GLDC: variants seen among roughly 807,000 people sequenced by gnomAD.
GLDC encodes the protein glycine decarboxylase.
GLDC carries 104 observed loss-of-function variants against 121.3 expected under a neutral mutation model. The ratio of observed to expected loss-of-function variants is 0.86; its 90% CI spans 0.73 to 1.01. The LOEUF is 1.01. Ranked by LOEUF, GLDC falls within the 50% of genes least tolerant of loss-of-function variation. The pLI, the probability that GLDC is intolerant of heterozygous loss-of-function variation, is 0.00. For missense variants in GLDC, 1,429 were observed against 1,306.6 expected (o/e 1.09, Z -1.44); for synonymous variants, 546 against 480.6 (o/e 1.14, Z -1.78).
chr9:6,626,257 C>G (rs1310484025), intron 2 of GLDC, among the ~76,000 whole-genome samples: 1 of 152,164 alleles, frequency 6.6e-6, no homozygotes, highest in Non-Finnish European at 1.5e-5. Flanking sequence ...TAGATAGGAT[C>G]TCACCCAAAG....
intron 8 of GLDC, among the ~76,000 whole-genome samples, chr9:6,599,970 C>A (rs1818569101): frequency 6.6e-6 from 1 of 152,124 alleles, no homozygotes; most frequent in East Asian, 1.9e-4. Flanking sequence ...CCTGGAGAAG[C>A]TTTTCAGAGG....
At chr9:6,642,360 T>A (rs1819646479) in intron 2 of GLDC, among the ~76,000 whole-genome samples, 1 of 151,780 alleles carries the variant, frequency 6.6e-6, no homozygotes, top group Non-Finnish European at 1.5e-5. Context: ...AGAAACCCCA[T>A]CTCTACTAAA....
At chr9:6,644,740 G>C (rs1419558798) in intron 1 of GLDC, 48 bp from the exon 2 acceptor site, 12 of 1,282,910 alleles carry the variant, frequency 9.4e-6, no homozygotes, top group Non-Finnish European at 1.4e-5. Context: ...AGTTAAAAGA[G>C]TCACCTCTGT....
intron 15 of GLDC, among the ~76,000 whole-genome samples, chr9:6,577,185 C>T (rs1326014201): frequency 6.6e-6 from 1 of 152,238 alleles, no homozygotes; most frequent in Non-Finnish European, 1.5e-5. Flanking sequence ...CAGAGAAATC[C>T]AGATGCAGGC....
chr9:6,598,983 C>A (rs1015409941), intron 8 of GLDC, among the ~76,000 whole-genome samples: 4 of 151,950 alleles, frequency 2.6e-5, no homozygotes, highest in African/African-American at 9.7e-5. Flanking sequence ...GAGTTCGAGA[C>A]CAGCCTGGCC....
intron 2 of GLDC, among the ~76,000 whole-genome samples, chr9:6,630,075 C>G (rs1188639558): frequency 6.7e-6 from 1 of 150,352 alleles, no homozygotes; most frequent in Non-Finnish European, 1.5e-5. Context: ...CAGGCATGAG[C>G]CACCCCACCT....
chr9:6,572,510 C>T (rs1230209095), intron 15 of GLDC, among the ~76,000 whole-genome samples: 1 of 152,142 alleles, frequency 6.6e-6, no homozygotes, highest in Non-Finnish European at 1.5e-5. Flanking sequence ...CGGTCCTACA[C>T]TCCCCTATGA....
At chr9:6,552,214 G>T (rs913570409) in intron 20 of GLDC, among the ~76,000 whole-genome samples, 1 of 152,150 alleles carries the variant, frequency 6.6e-6, no homozygotes, top group Non-Finnish European at 1.5e-5. Flanking sequence ...GCCAGAGGGG[G>T]CAGCTTAAAC....
At chr9:6,583,444 G>A (rs888246026) in intron 15 of GLDC, among the ~76,000 whole-genome samples, 5 of 152,210 alleles carry the variant, frequency 3.3e-5, no homozygotes, top group Non-Finnish European at 5.9e-5. Context: ...GGAGGCCAAG[G>A]CAGGAGGATC....
intron 7 of GLDC, among the ~76,000 whole-genome samples, chr9:6,602,628 C>A (rs1040061796): frequency 2.0e-5 from 3 of 152,144 alleles, no homozygotes; most frequent in Non-Finnish European, 4.4e-5. Flanking sequence ...GCTGGGATTA[C>A]AGGCATGAGC....
chr9:6,603,763 C>T (rs1251391042), intron 7 of GLDC, among the ~76,000 whole-genome samples: 2 of 148,262 alleles, frequency 1.3e-5, no homozygotes, highest in East Asian at 2.0e-4. Flanking sequence ...TGGAGTCTCG[C>T]TCTGCACCCA....
At chr9:6,641,859 T>C (rs1755607) in intron 2 of GLDC, among the ~76,000 whole-genome samples, 92,360 of 152,088 alleles carry the variant, frequency 0.61, 30,075 homozygotes, top group African/African-American at 0.84. Flanking sequence ...ACATGGCAAA[T>C]AAATATTTAA....
chr9:6,554,854 G>A lies in GLDC; in HGVS notation c.2203-73C>T, dbSNP rs1053260532. The A allele has an allele frequency of 4.6e-6, 5 of 1,076,774 alleles. No homozygotes were observed. The Admixed American group carries it at 9.8e-5, about 21-fold the overall frequency. The allele number at this position is 1,076,774 out of a possible 1,614,324, so 66.7% of individuals were successfully genotyped here. A position where few individuals can be genotyped will look rare whatever the true frequency, so the allele number is the denominator to read the frequency against. On this transcript the variant is annotated intron_variant, in intron 18 of 24. Transcript: ENST00000321612. The stretch of plus-strand genomic sequence containing the variant: ...ACCCTCCAGTGTGAAGGCCATGGCT[G>A]GCCGGTGCTGCCTTCTCCCCTCAGA...
chr9:6,614,477 C>G (rs114013267), intron 3 of GLDC, among the ~76,000 whole-genome samples: 6 of 152,034 alleles, frequency 3.9e-5, no homozygotes, highest in African/African-American at 1.5e-4. Flanking sequence ...CTCAAAGACC[C>G]ACCCACCTCA....
At chr9:6,619,083 C>T (rs939358511) in intron 3 of GLDC, among the ~76,000 whole-genome samples, 7 of 135,672 alleles carry the variant, frequency 5.2e-5, no homozygotes, top group Non-Finnish European at 7.6e-5. Context: ...GCAGAGGTTG[C>T]AGTGAGCCAA....
At chr9:6,611,390 A>G (rs1402191442) in intron 3 of GLDC, among the ~76,000 whole-genome samples, 7 of 152,164 alleles carry the variant, frequency 4.6e-5, no homozygotes, top group African/African-American at 1.4e-4. Flanking sequence ...ACCCGTCTCT[A>G]CTAAAAATAC....
In GLDC at chr9:6,644,040, A is replaced by AT. The variant is rs1819684459; in HGVS notation, c.334+573_334+574insA. On this transcript the variant is annotated intron_variant, in intron 2 of 24. Transcript: ENST00000321612. ...CAGAGATTCTGTCTCAAAAAAAAAA[A>AT]AAAAAAAAAACGAAAAAAAAAAGAA... is the stretch of plus-strand genomic sequence containing the variant. Among the ~76,000 whole-genome samples, 4 of 148,622 alleles carry AT rather than the reference A, an allele frequency of 2.7e-5. No homozygotes were observed. In the South Asian group the frequency reaches 8.5e-4, roughly 32 times the overall value.
In GLDC at chr9:6,554,738, T is replaced by G; in HGVS notation, c.2246A>C (p.His749Pro). 1 of 1,613,554 alleles carries G rather than the reference T, an allele frequency of 6.2e-7. No homozygotes were observed. Among genetic ancestry groups the G allele is most frequent in the South Asian group, 1.1e-5 (1 of 90,896 alleles). ...RPGDFGSDVSHLNLHKTFCIP... is the reference protein window; with the variant it reads ...RPGDFGSDVSPLNLHKTFCIP... Reference sequence around the variant, plus strand: ...GCAGAAGGTCTTGTGAAGATTTAGGTGCGAGACATCAGACCCGAAGTCTCC... The same window carrying G: ...GCAGAAGGTCTTGTGAAGATTTAGGGGCGAGACATCAGACCCGAAGTCTCC... The change falls in exon 19 of 25, where the codon CAC (histidine) becomes CCC (proline). Residue 749 changes from histidine to proline, a missense_variant. Coordinates refer to ENST00000321612, the MANE Select transcript of GLDC (RefSeq NM_000170.3).
intron 15 of GLDC, among the ~76,000 whole-genome samples, chr9:6,582,273 C>T (rs1818184609): frequency 6.7e-6 from 1 of 148,546 alleles, no homozygotes; most frequent in South Asian, 2.1e-4. Context: ...AACCCCAGCA[C>T]TTTGGGAGGC....
Sources: gnomAD v4.1 joint callset for allele counts (sites outside exome capture counted in the v4.1 genomes callset) on GRCh38, gnomAD v4.1.1 for gene constraint, MANE v1.5 for transcripts, NCBI Gene and HGNC (gene_info 2026-07-23, HGNC 2026-07-21) for gene names.